The following SYN3 variants were observed in gnomAD, a reference collection of about 807,000 sequenced individuals.
The protein encoded by SYN3 is synapsin-3.
Under a neutral mutation model 65.8 loss-of-function variants are expected in SYN3, and 35 were observed. That is an observed-to-expected ratio of 0.53 (90% CI 0.41 to 0.70). SYN3 has a LOEUF of 0.70. SYN3 is among the 30% of genes least tolerant of loss of function. The pLI is 0.00. For missense variants in SYN3, 680 were observed against 749.0 expected (o/e 0.91, Z 1.08); for synonymous variants, 270 against 292.9 (o/e 0.92, Z 0.80).
At chr22:32,530,220 G>A (rs1302376479) in intron 10 of SYN3, 3 of 152,288 alleles carry the variant, frequency 2.0e-5, no homozygotes, top group East Asian at 1.9e-4. Context: ...TGATAAGCCC[G>A]GCTCATAAGG....
intron 2 of SYN3, among the ~76,000 whole-genome samples, chr22:32,998,790 A>AAC (rs1556121741): frequency 7.0e-6 from 1 of 142,122 alleles, no homozygotes; most frequent in African/African-American, 2.5e-5. Flanking sequence ...AAAAAAAAAA[A>AAC]AAAAAAAAAC....
At chr22:32,909,922 G>A (rs780413078) in intron 4 of SYN3, among the ~76,000 whole-genome samples, 1 of 152,136 alleles carries the variant, frequency 6.6e-6, no homozygotes, top group Admixed American at 6.5e-5. Context: ...CTAGTCAGAC[G>A]CACATACAAG....
rs1601734462 is a variant in SYN3 at position 32,602,950 on chromosome 22, G to A, written c.712-6214C>T. 2.0e-5 allele frequency among the ~76,000 whole-genome samples: 3 copies of A among 152,092 alleles called. No homozygotes were observed. In the East Asian group the frequency reaches 5.8e-4, roughly 29 times the overall value. On this transcript the variant is annotated intron_variant, in intron 6 of 13. Transcript: ENST00000358763. ...CAGGCCAGTCCAGGAGATTTTCAAAGGGAGAACCAGCAGAATTTGGAGACA... is the reference window on the plus strand; with the variant it reads ...CAGGCCAGTCCAGGAGATTTTCAAAAGGAGAACCAGCAGAATTTGGAGACA...
intron 2 of SYN3, among the ~76,000 whole-genome samples, chr22:33,005,879 A>G (rs939665089): frequency 3.3e-5 from 5 of 152,212 alleles, no homozygotes; most frequent in Non-Finnish European, 7.3e-5. Flanking sequence ...TCAGATATTA[A>G]AAGTTTTCCA....
At chr22:32,681,507 A>G (rs932017239) in intron 6 of SYN3, among the ~76,000 whole-genome samples, 7 of 152,300 alleles carry the variant, frequency 4.6e-5, no homozygotes, top group African/African-American at 1.4e-4. Flanking sequence ...GATCCCATTT[A>G]CCATATGAGA....
intron 1 of SYN3, among the ~76,000 whole-genome samples, chr22:33,010,468 G>A (rs567053602): frequency 5.3e-5 from 8 of 152,236 alleles, no homozygotes; most frequent in African/African-American, 1.7e-4. Flanking sequence ...TGGCCTTGTT[G>A]GCACCAATTG....
intron 6 of SYN3, among the ~76,000 whole-genome samples, chr22:32,818,118 A>G (rs1390562566): frequency 1.3e-5 from 2 of 152,202 alleles, no homozygotes; most frequent in Admixed American, 6.5e-5. Flanking sequence ...AATCCCCCCA[A>G]AAAGGTAACC....
At chr22:32,997,932 C>T (rs1029244363) in intron 2 of SYN3, among the ~76,000 whole-genome samples, 6 of 150,168 alleles carry the variant, frequency 4.0e-5, no homozygotes, top group African/African-American at 4.9e-5. Context: ...GAGGCTGAGG[C>T]AGGAGAAGGG....
At chr22:32,705,482 G>A (rs1368370166) in intron 6 of SYN3, among the ~76,000 whole-genome samples, 1 of 152,216 alleles carries the variant, frequency 6.6e-6, no homozygotes, top group Non-Finnish European at 1.5e-5. Context: ...TTGAAGTCAG[G>A]TAGTGTGATG....
At chr22:32,883,074 C>T (rs908445291) in intron 4 of SYN3, among the ~76,000 whole-genome samples, 1 of 152,100 alleles carries the variant, frequency 6.6e-6, no homozygotes, top group East Asian at 1.9e-4. Context: ...AGGGTCTGGC[C>T]AATTGCAAGG....
chr22:32,726,910 A>ATCATTTGC (rs2061202315), intron 6 of SYN3, among the ~76,000 whole-genome samples: 1 of 152,080 alleles, frequency 6.6e-6, no homozygotes, highest in Admixed American at 6.5e-5. Flanking sequence ...AGAAGACAGA[A>ATCATTTGC]TCATTTGCAG....
intron 1 of SYN3, among the ~76,000 whole-genome samples, chr22:33,041,294 C>CATT: frequency 7.7e-6 from 1 of 129,342 alleles, no homozygotes; most frequent in Admixed American, 7.9e-5. Flanking sequence ...GGAACTCTTT[C>CATT]TTTTTTTTTT....
chr22:32,996,798 C>T (rs1263874251), intron 2 of SYN3, among the ~76,000 whole-genome samples: 1 of 152,176 alleles, frequency 6.6e-6, no homozygotes, highest in Non-Finnish European at 1.5e-5. Flanking sequence ...AAAGGAATTC[C>T]CTTTTCCCTG....
At position 32,528,921 on chromosome 22, in the gene SYN3, G is replaced by A; in HGVS notation, c.1183C>T (p.Gln395Ter). 1 of 1,614,144 alleles carries A rather than the reference G, an allele frequency of 6.2e-7. No homozygotes were observed. The highest frequency in any genetic ancestry group is 1.3e-5 in the African/African-American group (1 of 75,046). The change falls in exon 11 of 14, where the codon CAG (glutamine) becomes TAG (stop). Residue 395 changes from glutamine (Q) to a stop codon, truncating the protein, a stop_gained. Coordinates refer to ENST00000358763, the MANE Select transcript of SYN3 (RefSeq NM_003490.4). LOFTEE classifies it high-confidence loss of function. ...GCTGTGCCTCCTGGCATCGGGAGCT[G>A]GCTCATTTTGGAGACAACAAGGTCG... ...MADLVVSKMS[Q>*]LPMPGGTAPS...
At chr22:32,671,651 G>GCACA (rs35884832) in intron 6 of SYN3, among the ~76,000 whole-genome samples, 39 of 148,764 alleles carry the variant, frequency 2.6e-4, no homozygotes, top group African/African-American at 8.2e-4. Context: ...TCACACAGAT[G>GCACA]CACACACGCT....
intron 4 of SYN3, among the ~76,000 whole-genome samples, chr22:32,870,877 A>G (rs900074875): frequency 2.0e-5 from 3 of 152,132 alleles, no homozygotes; most frequent in African/African-American, 7.2e-5. Flanking sequence ...CCAGTTTCCT[A>G]TTGAGGTGAG....
chr22:32,778,296 AT>A (rs66798314), intron 6 of SYN3, among the ~76,000 whole-genome samples: 85,950 of 150,010 alleles, frequency 0.57, 24,975 homozygotes, highest in African/African-American at 0.7. Flanking sequence ...GTAAGACTGC[AT>A]TTTTTTTTTT....
intron 6 of SYN3, among the ~76,000 whole-genome samples, chr22:32,685,594 G>A (rs2060579092): frequency 6.6e-6 from 1 of 152,178 alleles, no homozygotes; most frequent in Admixed American, 6.5e-5. Context: ...ATGCTGCATA[G>A]GTTTGTAGCC....
chr22:33,035,283 A>G (rs910232197), intron 1 of SYN3, among the ~76,000 whole-genome samples: 2 of 150,128 alleles, frequency 1.3e-5, no homozygotes, highest in Admixed American at 6.7e-5. Flanking sequence ...TATTAAACCA[A>G]TTAATCCTAA....
Sources: allele counts gnomAD v4.1 joint callset (sites outside exome capture counted in the v4.1 genomes callset), GRCh38; gene constraint gnomAD v4.1.1; transcripts MANE v1.5; gene names NCBI Gene and HGNC (gene_info 2026-07-23, HGNC 2026-07-21).